ATP2B1: variants seen among roughly 807,000 people sequenced by gnomAD.
The protein encoded by ATP2B1 is plasma membrane calcium-transporting ATPase 1.
ATP2B1 carries 14 observed loss-of-function variants against 124.2 expected under a neutral mutation model. That is an observed-to-expected ratio of 0.11 (90% CI 0.07 to 0.18). The LOEUF is 0.18. ATP2B1 is among the 10% of genes least tolerant of loss of function. ATP2B1 has a pLI of 1.00. For synonymous variants in ATP2B1, 449 were observed against 492.4 expected (o/e 0.91, Z 1.17); for missense variants, 763 against 1,466.1 (o/e 0.52, Z 7.83).
intron 20 of ATP2B1, among the ~76,000 whole-genome samples, chr12:89,595,352 T>C (rs1334442565): frequency 6.6e-6 from 1 of 151,926 alleles, no homozygotes; most frequent in Non-Finnish European, 1.5e-5. Context: ...TATTTATTTA[T>C]TCAGGAAAAA....
chr12:89,618,852 G>C (rs1879461108), intron 11 of ATP2B1, among the ~76,000 whole-genome samples: 1 of 152,116 alleles, frequency 6.6e-6, no homozygotes, highest in Non-Finnish European at 1.5e-5. Flanking sequence ...TAATTGTAAA[G>C]TGTTCATTAA....
At chr12:89,668,328 T>A (rs1004671008) in intron 1 of ATP2B1, among the ~76,000 whole-genome samples, 1 of 152,146 alleles carries the variant, frequency 6.6e-6, no homozygotes, top group Admixed American at 6.6e-5. Flanking sequence ...AAAATTTACA[T>A]TGCAAAAGAT....
chr12:89,600,654 T>TC (rs1875618640), intron 19 of ATP2B1, among the ~76,000 whole-genome samples: 1 of 151,702 alleles, frequency 6.6e-6, no homozygotes, highest in South Asian at 2.1e-4. Flanking sequence ...ATGTATTTTT[T>TC]TTTTTTTTTT....
At chr12:89,610,540 C>CA (rs1297282395) in intron 13 of ATP2B1, 32 bp from the exon 14 acceptor site, 15 of 1,543,922 alleles carry the variant, frequency 9.7e-6, no homozygotes, top group African/African-American at 1.4e-5. Context: ...AAAATATGCC[C>CA]AAACATAGTT....
intron 6 of ATP2B1, 106 bp downstream of exon 6, chr12:89,630,399 T>G (rs555560506): frequency 9.1e-7 from 1 of 1,097,080 alleles, no homozygotes; most frequent in African/African-American, 1.6e-5. Flanking sequence ...TTCTTTTAAC[T>G]TTTTGTAGAA....
In ATP2B1 at chr12:89,590,296, C is replaced by T. The variant is rs1446438037; in HGVS notation, c.*688G>A. 2 of 151,398 alleles carry T rather than the reference C, an allele frequency of 1.3e-5. No individual in the cohort carries two copies. Among genetic ancestry groups the T allele is most frequent in the African/African-American group, 4.9e-5 (2 of 41,086 alleles). 9.4% of individuals were successfully genotyped at this position (151,398 alleles called of 1,614,324 possible). A position where few individuals can be genotyped will look rare whatever the true frequency, so the allele number is the denominator to read the frequency against. On this transcript the variant is annotated 3_prime_UTR_variant, in exon 21 of 21. Coordinates refer to ENST00000428670, the MANE Select transcript of ATP2B1 (RefSeq NM_001366521.1). ...TTTTTTTGTTTTGTTTTGTTTTTTT[C>T]GTTTTTTTAAACAAAGCATTAGTGT...
intron 1 of ATP2B1, among the ~76,000 whole-genome samples, 151 bp downstream of exon 1, chr12:89,708,445 G>A (rs1892787766): frequency 6.6e-6 from 1 of 152,050 alleles, no homozygotes; most frequent in Non-Finnish European, 1.5e-5. Flanking sequence ...GACCGCCCCC[G>A]TCAGCTTCTC....
chr12:89,637,174 T>C (rs772065165), intron 3 of ATP2B1, among the ~76,000 whole-genome samples: 96 of 152,150 alleles, frequency 6.3e-4, no homozygotes, highest in Non-Finnish European at 1.2e-3. Flanking sequence ...AAACAACAGA[T>C]TGACATCAGA....
chr12:89,593,473 T>C (rs1873975575), intron 20 of ATP2B1: 1 of 152,088 alleles, frequency 6.6e-6, no homozygotes, highest in Admixed American at 6.6e-5. Flanking sequence ...GCTTTCTGTG[T>C]ATGTGTGTGT....
intron 3 of ATP2B1, among the ~76,000 whole-genome samples, chr12:89,636,203 G>C (rs2037373): frequency 0.94 from 142,131 of 151,912 alleles, 66,695 homozygotes; most frequent in East Asian, 0.99. Flanking sequence ...ATAGAGATCA[G>C]AAAAGGATGT....
intron 1 of ATP2B1, among the ~76,000 whole-genome samples, chr12:89,666,809 G>A (rs17249754): frequency 0.16 from 23,663 of 151,846 alleles, 2,182 homozygotes; most frequent in South Asian, 0.36. Flanking sequence ...AATTACTCCA[G>A]CTCTTTCCAG....
At position 89,621,687 on chromosome 12, in the gene ATP2B1, G is replaced by A. The variant is rs1484683552; in HGVS notation, c.1449C>T (p.Asn483=). The change falls in exon 10 of 21, where the codon AAC becomes AAT. Residue 483 remains asparagine, a synonymous_variant. Transcript: ENST00000428670. ...TGTAAGCTTGAACGACTGTCATTCT[G>A]TTCATTGTCAAAGTTCCTGTTTTAT... The part of the protein sequence containing the change: ...CSDKTGTLTM[N]RMTVVQAYIN... 8 of 1,610,704 alleles carry A rather than the reference G, an allele frequency of 5.0e-6. No homozygotes were observed. The highest frequency in any genetic ancestry group is 6.8e-6 in the Non-Finnish European group (8 of 1,178,458).
At chr12:89,707,863 C>A (rs1892672401) in intron 1 of ATP2B1, among the ~76,000 whole-genome samples, 1 of 152,198 alleles carries the variant, frequency 6.6e-6, no homozygotes, top group Admixed American at 6.5e-5. Flanking sequence ...AGCCCCCACC[C>A]CACACCCCTG....
intron 15 of ATP2B1, among the ~76,000 whole-genome samples, chr12:89,605,876 T>C (rs1465785723): frequency 2.0e-5 from 3 of 152,102 alleles, no homozygotes; most frequent in African/African-American, 4.8e-5. Flanking sequence ...GACACTAAAA[T>C]TGGTAAGAGT....
At chr12:89,664,006 T>C (rs1182666763) in intron 1 of ATP2B1, among the ~76,000 whole-genome samples, 1 of 152,242 alleles carries the variant, frequency 6.6e-6, no homozygotes, top group Admixed American at 6.5e-5. Flanking sequence ...TTGATAATAA[T>C]AAAAATTTAT....
At chr12:89,678,588 G>A (rs372718206) in intron 1 of ATP2B1, among the ~76,000 whole-genome samples, 1 of 152,090 alleles carries the variant, frequency 6.6e-6, no homozygotes, top group African/African-American at 2.4e-5. Context: ...TAGACAATGG[G>A]ATACAGCTTC....
At chr12:89,618,089 G>GTA (rs1323956735) in intron 11 of ATP2B1, among the ~76,000 whole-genome samples, 1 of 150,672 alleles carries the variant, frequency 6.6e-6, no homozygotes, top group Non-Finnish European at 1.5e-5. Context: ...GTCTCTAGTT[G>GTA]ATTTTTTTTT....
At chr12:89,601,524 A>G (rs1047653297) in intron 18 of ATP2B1, 91 bp from the exon 19 acceptor site, 1 of 717,806 alleles carries the variant, frequency 1.4e-6, no homozygotes, top group African/African-American at 1.9e-5. Flanking sequence ...CCTCTAAAAC[A>G]AGGTGAACAA....
At chr12:89,654,195 A>G (rs1029202812) in intron 2 of ATP2B1, among the ~76,000 whole-genome samples, 1 of 152,158 alleles carries the variant, frequency 6.6e-6, no homozygotes, top group African/African-American at 2.4e-5. Flanking sequence ...ACTGTCTATT[A>G]AAGTCCATGG....
Sources: gnomAD v4.1 joint callset for allele counts (sites outside exome capture counted in the v4.1 genomes callset) on GRCh38, gnomAD v4.1.1 for gene constraint, MANE v1.5 for transcripts, NCBI Gene and HGNC (gene_info 2026-07-23, HGNC 2026-07-21) for gene names.